The following GXYLT1 variants were observed in gnomAD, a reference collection of about 807,000 sequenced individuals.
The protein encoded by GXYLT1 is glucoside xylosyltransferase 1, also known as glycosyltransferase 8 domain containing 3.
In GXYLT1, 29 loss-of-function variants were observed where a neutral mutation model predicts 54.0. The observed-to-expected ratio is 0.54, with a 90% CI of 0.40 to 0.73. The LOEUF is 0.73. GXYLT1 is among the 30% of genes least tolerant of loss of function. GXYLT1 has a pLI of 0.00. For missense variants in GXYLT1, 490 were observed against 553.4 expected (o/e 0.89, Z 1.15); for synonymous variants, 176 against 204.1 (o/e 0.86, Z 1.17).
intron 1 of GXYLT1, among the ~76,000 whole-genome samples, chr12:42,133,176 G>A (rs1211652483): frequency 6.6e-6 from 1 of 152,076 alleles, no homozygotes; most frequent in Non-Finnish European, 1.5e-5. Flanking sequence ...TACTCAGGAG[G>A]CTGAGGCAGG....
chr12:42,101,650 C>A (rs180819639), intron 5 of GXYLT1, among the ~76,000 whole-genome samples: 7 of 152,040 alleles, frequency 4.6e-5, no homozygotes, highest in Non-Finnish European at 7.4e-5. Context: ...TGGCTCACTG[C>A]AACCTCCACC....
At chr12:42,110,655 T>C (rs1214380108) in intron 3 of GXYLT1, among the ~76,000 whole-genome samples, 2 of 152,116 alleles carry the variant, frequency 1.3e-5, no homozygotes, top group Non-Finnish European at 2.9e-5. Context: ...GCTTGGGTGA[T>C]CCTCCCACCT....
chr12:42,087,554 G>C lies in GXYLT1; in HGVS notation c.*232C>G, dbSNP rs2065302543. ...ATAGTATTTTCATCAATACTGGAATGATAGCAAGTAACATTACAAAACATC... is the reference window on the plus strand; with the variant it reads ...ATAGTATTTTCATCAATACTGGAATCATAGCAAGTAACATTACAAAACATC... On this transcript the variant is annotated 3_prime_UTR_variant, in exon 8 of 8. Transcript: ENST00000398675. 1 of 426,232 alleles carries C rather than the reference G, an allele frequency of 2.3e-6. No homozygotes were observed. Among genetic ancestry groups the C allele is most frequent in the Non-Finnish European group, 4.2e-6 (1 of 239,594 alleles). The allele number at this position is 426,232 out of a possible 1,614,324, so 26.4% of individuals were successfully genotyped here. A position where few individuals can be genotyped will look rare whatever the true frequency, so the allele number is the denominator to read the frequency against.
chr12:42,143,997 T>C (rs1018915178), intron 1 of GXYLT1, among the ~76,000 whole-genome samples: 5 of 151,932 alleles, frequency 3.3e-5, no homozygotes, highest in African/African-American at 1.2e-4. Flanking sequence ...CACACACATA[T>C]ACACTCACAC....
At position 42,119,058 on chromosome 12, in the gene GXYLT1, T is replaced by C. The variant is rs988915637; in HGVS notation, c.428A>G (p.Lys143Arg). ...AGCAAAAATATGGAATTGAAGAGGT[T>C]TGATGCTGAAAATGATAGCTGACTT... ...MLKSAIIFSIKPLQFHIFAED... is the reference protein window; with the variant it reads ...MLKSAIIFSIRPLQFHIFAED... Residue 143 changes from lysine to arginine, a missense_variant, in exon 3 of 8, where the codon AAA becomes AGA. This residue lies in a region of GXYLT1 where 148 missense variants were observed against 210.7 expected (regional missense o/e 0.70). Coordinates refer to ENST00000398675, the MANE Select transcript of GXYLT1 (RefSeq NM_173601.2). 9.9e-6 allele frequency: 16 copies of C among 1,614,224 alleles called. No homozygotes were observed. Among genetic ancestry groups the C allele is most frequent in the Middle Eastern group, 3.3e-4 (2 of 6,058 alleles).
rs34628599 is a variant in GXYLT1, at chr12:42,137,503, CAAAAA to C, written c.221+6918_221+6922del. ...CGCCTGGGCGACAGAGCATCTGTTT[CAAAAA>C]AAAAAAAAAAAAAAAAAGCGGATCA... On this transcript the variant is annotated intron_variant, in intron 1 of 7. Transcript: ENST00000398675. Among the ~76,000 whole-genome samples, 125 of 71,656 alleles carry C rather than the reference CAAAAA, an allele frequency of 1.7e-3. 1 individual carries two copies. The highest frequency in any genetic ancestry group is 6.7e-3 in the African/African-American group (116 of 17,264). The allele number at this position is 71,656 out of a possible 152,430, so 47.0% of individuals were successfully genotyped here. A position where few individuals can be genotyped will look rare whatever the true frequency, so the allele number is the denominator to read the frequency against.
intron 4 of GXYLT1, among the ~76,000 whole-genome samples, chr12:42,106,879 G>C (rs375621312): frequency 2.7e-5 from 4 of 150,556 alleles, no homozygotes; most frequent in African/African-American, 4.9e-5. Flanking sequence ...CTGAGTAACT[G>C]GGATTACAGG....
At position 42,097,443 on chromosome 12, in the gene GXYLT1, T is replaced by C; in HGVS notation, c.1160A>G (p.Asn387Ser). ...AAAAAAAGGAAAGGCAAATCTTACA[T>C]TTCTCAGTGCTTCATAAACAGCTCT... ...AFRAVYEALRNCSFEDDNIRS... is the reference protein window; with the variant it reads ...AFRAVYEALRSCSFEDDNIRS... Residue 387 changes from asparagine (N) to serine (S), a missense_variant and splice_region_variant, in exon 7 of 8, where the codon AAT becomes AGT. Physicochemically the swap from Asn to Ser is conservative, Grantham distance 46 (BLOSUM62 1). This residue lies in a region of GXYLT1 where 342 missense variants were observed against 342.6 expected (regional missense o/e 1.00). Transcript: ENST00000398675. 1 of 1,550,796 alleles carries C rather than the reference T, an allele frequency of 6.4e-7. No homozygotes were observed.
rs1222895035 is a variant in GXYLT1 at position 42,087,597 on chromosome 12, A to C, written c.*189T>G. The C allele has an allele frequency of 5.9e-6, 3 of 510,736 alleles. No homozygotes were observed. Among genetic ancestry groups the C allele is most frequent in the Non-Finnish European group, 1.0e-5 (3 of 292,362 alleles). 31.6% of individuals were successfully genotyped at this position (510,736 alleles called of 1,614,324 possible). A position where few individuals can be genotyped will look rare whatever the true frequency, so the allele number is the denominator to read the frequency against. On this transcript the variant is annotated 3_prime_UTR_variant, in exon 8 of 8. Transcript: ENST00000398675. ...AAAACATCAGAGATAAAAAATGTTCAATGTTGAGGCCCAAGATTTTAACTT... is the reference window on the plus strand; with the variant it reads ...AAAACATCAGAGATAAAAAATGTTCCATGTTGAGGCCCAAGATTTTAACTT...
chr12:42,109,498 CAT>C (rs918998632), intron 4 of GXYLT1, 66 bp downstream of exon 4: 106 of 1,066,182 alleles, frequency 9.9e-5, no homozygotes, highest in Middle Eastern at 3.4e-4. Flanking sequence ...TTCAGAGACT[CAT>C]GTGTAAAAGT....
chr12:42,091,412 T>A (rs181796945), intron 7 of GXYLT1, among the ~76,000 whole-genome samples: 2 of 151,498 alleles, frequency 1.3e-5, no homozygotes, highest in Non-Finnish European at 3.0e-5. Flanking sequence ...TCTCTAATAG[T>A]AGATTTTTTT....
intron 4 of GXYLT1, among the ~76,000 whole-genome samples, chr12:42,106,746 T>TTTC (rs1344774971): frequency 6.9e-6 from 1 of 144,286 alleles, no homozygotes; most frequent in African/African-American, 2.6e-5. Flanking sequence ...TATTTTTCTT[T>TTTC]TTTTTTTTTT....
At chr12:42,109,525 A>T (rs1479457199) in intron 4 of GXYLT1, 41 bp downstream of exon 4, 52 of 494,204 alleles carry the variant, frequency 1.1e-4, no homozygotes, top group South Asian at 2.0e-4. Flanking sequence ...TTCAAATTTA[A>T]AAAAAAAAAA....
intron 7 of GXYLT1, among the ~76,000 whole-genome samples, chr12:42,094,889 T>C (rs960566123): frequency 1.3e-5 from 2 of 152,130 alleles, no homozygotes; most frequent in Non-Finnish European, 2.9e-5. Context: ...TCTGCAAACA[T>C]GCTAAAAGCT....
In GXYLT1 at chr12:42,137,028, T is replaced by C. The variant is rs188026977; in HGVS notation, c.222-7177A>G. ...TTCAAGCAATCCACCCACCTTTGCC[T>C]CCCTGCTAGGATTACAGGTACGAGC... On this transcript the variant is annotated intron_variant, in intron 1 of 7. Transcript: ENST00000398675. 7.5e-4 allele frequency among the ~76,000 whole-genome samples: 114 copies of C among 152,226 alleles called. 1 individual carries two copies. The highest frequency in any genetic ancestry group is 2.6e-3 in the African/African-American group (109 of 41,548).
rs1243699696 is a variant in GXYLT1, at chr12:42,082,114, A to G, written c.*5672T>C. On this transcript the variant is annotated 3_prime_UTR_variant, in exon 8 of 8. Transcript: ENST00000398675. ...TAGTATTCTCTACATACCACAGTATACAATGATGCCTTCCTGCAGGTTTAG... is the reference window on the plus strand; with the variant it reads ...TAGTATTCTCTACATACCACAGTATGCAATGATGCCTTCCTGCAGGTTTAG... 6.6e-6 allele frequency: 1 copy of G among 152,262 alleles called. No individual in the cohort carries two copies. The highest frequency in any genetic ancestry group is 1.5e-5 in the Non-Finnish European group (1 of 68,046). The allele number at this position is 152,262 out of a possible 1,614,324, so 9.4% of individuals were successfully genotyped here. A position where few individuals can be genotyped will look rare whatever the true frequency, so the allele number is the denominator to read the frequency against.
At chr12:42,096,199 C>T (rs7135851) in intron 7 of GXYLT1, among the ~76,000 whole-genome samples, 78,082 of 151,870 alleles carry the variant, frequency 0.51, 20,506 homozygotes, top group South Asian at 0.7. Flanking sequence ...AGCTCTGCCA[C>T]TGAAAAAGCT....
At chr12:42,096,110 A>C (rs533486220) in intron 7 of GXYLT1, among the ~76,000 whole-genome samples, 300 of 152,336 alleles carry the variant, frequency 2.0e-3, no homozygotes, top group African/African-American at 7.1e-3. Context: ...GAAGAAAGGA[A>C]GAGCCTTGGA....
intron 2 of GXYLT1, among the ~76,000 whole-genome samples, chr12:42,126,298 C>T (rs569008466): frequency 3.5e-4 from 54 of 152,192 alleles, no homozygotes; most frequent in African/African-American, 1.2e-3. Context: ...GGCTCTCGAA[C>T]TCCTGACCTC....
Sources: gnomAD v4.1 joint callset for allele counts (sites outside exome capture counted in the v4.1 genomes callset) on GRCh38, gnomAD v4.1.1 for gene constraint, gnomAD v4.1.1 regional missense constraint, MANE v1.5 for transcripts, NCBI Gene and HGNC (gene_info 2026-07-23, HGNC 2026-07-21) for gene names.